The following NFATC1 variants were observed in gnomAD, a reference collection of about 807,000 sequenced individuals.
NFATC1 encodes the protein nuclear factor of activated T-cells, cytoplasmic 1.
Under a neutral mutation model 76.0 loss-of-function variants are expected in NFATC1, and 22 were observed. That is an observed-to-expected ratio of 0.29 (90% CI 0.21 to 0.41). NFATC1 has a LOEUF of 0.41. NFATC1 is among the 10% of genes least tolerant of loss of function. NFATC1 has a pLI of 1.00. For synonymous variants in NFATC1, 704 were observed against 613.1 expected (o/e 1.15, Z -2.19); for missense variants, 1,357 against 1,337.7 (o/e 1.01, Z -0.23).
At position 79,486,581 on chromosome 18, in the gene NFATC1, C is replaced by G; in HGVS notation, c.2426C>G (p.Thr809Arg). Residue 809 changes from threonine to arginine, a missense_variant, in exon 9 of 10, where the codon ACG becomes AGG. Physicochemically the swap from Thr to Arg is moderately conservative, Grantham distance 71 (BLOSUM62 -1). This residue lies in a region of NFATC1 where 424 missense variants were observed against 395.4 expected (regional missense o/e 1.07). Transcript: ENST00000427363. Reference protein sequence around the residue: ...AVQDVPRPVATHPGSPGQPPP... With the variant: ...AVQDVPRPVARHPGSPGQPPP... ...CAGGACGTGCCCAGGCCAGTGGCCA[C>G]GCACCCCGGCTCGCCCGGGCAGCCA... 6.3e-7 allele frequency: 1 copy of G among 1,590,178 alleles called. No individual in the cohort carries two copies. Among genetic ancestry groups the G allele is most frequent in the Non-Finnish European group, 8.5e-7 (1 of 1,172,972 alleles).
At chr18:79,437,287 C>CTT (rs2086813393) in intron 3 of NFATC1, among the ~76,000 whole-genome samples, 1 of 152,234 alleles carries the variant, frequency 6.6e-6, no homozygotes. Context: ...AAGATGAAGA[C>CTT]GCCTGCTTAG....
At chr18:79,441,668 G>A (rs551283112) in intron 3 of NFATC1, among the ~76,000 whole-genome samples, 5 of 152,244 alleles carry the variant, frequency 3.3e-5, no homozygotes, top group African/African-American at 7.2e-5. Flanking sequence ...CGCTCCTGCC[G>A]CTTGGTGTCA....
In NFATC1 at chr18:79,486,633, G is replaced by T; in HGVS notation, c.2478G>T (p.Val826=). 6.2e-7 allele frequency: 1 copy of T among 1,602,096 alleles called. No homozygotes were observed. Among genetic ancestry groups the T allele is most frequent in the Non-Finnish European group, 8.5e-7 (1 of 1,177,606 alleles). Residue 826 remains valine, a synonymous_variant, in exon 9 of 10, where the codon GTG becomes GTT. Transcript: ENST00000427363. ...QPPPALLPQQ[V]SAPPSSSCPP... is the part of the protein sequence containing the mutation. ...CCCCGGCCCTGCTGCCACAGCAGGT[G>T]AGTGCGCCTCCAAGCAGTAGCTGCC...
At chr18:79,399,966 C>CT (rs1223164220) in intron 1 of NFATC1, among the ~76,000 whole-genome samples, 1 of 140,936 alleles carries the variant, frequency 7.1e-6, no homozygotes, top group Non-Finnish European at 1.5e-5. Flanking sequence ...TTGAAAACTT[C>CT]TTTAAAAAAA....
chr18:79,486,080 C>T (rs561909566), intron 8 of NFATC1, among the ~76,000 whole-genome samples, 168 bp from the exon 9 acceptor site: 43 of 150,650 alleles, frequency 2.9e-4, no homozygotes, highest in South Asian at 8.3e-4. Context: ...ACTCTCTCGG[C>T]CGATGACTCA....
chr18:79,411,858 C>T (rs1054388376), intron 2 of NFATC1, among the ~76,000 whole-genome samples: 7 of 152,228 alleles, frequency 4.6e-5, no homozygotes, highest in Non-Finnish European at 8.8e-5. Flanking sequence ...GTGGGAATTC[C>T]GGGAGACGCC....
intron 2 of NFATC1, among the ~76,000 whole-genome samples, chr18:79,428,643 T>C (rs548628635): frequency 1.3e-5 from 2 of 152,306 alleles, no homozygotes; most frequent in East Asian, 3.9e-4. Flanking sequence ...TGTGATTAGA[T>C]TGTTTCTGAA....
At position 79,467,579 on chromosome 18, in the gene NFATC1, A is replaced by T; in HGVS notation, c.2089A>T (p.Asn697Tyr). ...QYQRFTYLPA[N>Y]VPIIKTEPTD... ...CCAGCGTTTCACCTACCTTCCCGCC[A>T]ACGGTAACGCCATCTTTCTAACCGT... Residue 697 changes from asparagine (N) to tyrosine (Y), a missense_variant, in exon 8 of 10, where the codon AAC becomes TAC. By Grantham distance (143) the Asn-to-Tyr change is moderately radical. This residue lies in a region of NFATC1 where 424 missense variants were observed against 395.4 expected (regional missense o/e 1.07). Coordinates refer to ENST00000427363, the MANE Select transcript of NFATC1 (RefSeq NM_001278669.2). 2 of 1,613,870 alleles carry T rather than the reference A, an allele frequency of 1.2e-6. No homozygotes were observed. The highest frequency in any genetic ancestry group is 1.6e-4 in the Middle Eastern group (1 of 6,062).
intron 2 of NFATC1, among the ~76,000 whole-genome samples, chr18:79,425,365 G>C (rs541882633): frequency 6.6e-6 from 1 of 151,514 alleles, no homozygotes; most frequent in Admixed American, 6.6e-5. Flanking sequence ...CGCGGCTGCC[G>C]GCTGAGGAGG....
Position 79,464,655 on chromosome 18 carries a change from T to A in NFATC1, c.1960-2795T>A, listed in dbSNP as rs193157556. 1.0e-4 allele frequency among the ~76,000 whole-genome samples: 13 copies of A among 124,606 alleles called. 1 individual carries two copies. The highest frequency in any genetic ancestry group is 4.6e-4 in the African/African-American group (13 of 28,262). 81.7% of individuals were successfully genotyped at this position (124,606 alleles called of 152,430 possible). A position where few individuals can be genotyped will look rare whatever the true frequency, so the allele number is the denominator to read the frequency against. On this transcript the variant is annotated intron_variant, in intron 7 of 9. Coordinates refer to ENST00000427363, the MANE Select transcript of NFATC1 (RefSeq NM_001278669.2). ...TATTGTGGATATATGTGTTTGTGTG[T>A]GTGTGTGTGTGTGTGTATATGTATG...
At chr18:79,507,083 G>A (rs1466579458) in intron 9 of NFATC1, among the ~76,000 whole-genome samples, 2 of 152,220 alleles carry the variant, frequency 1.3e-5, no homozygotes, top group Admixed American at 6.5e-5. Context: ...GTTCCGAAAC[G>A]GAGCTGATGG....
chr18:79,482,827 G>A lies in NFATC1; in HGVS notation c.2093-3421G>A, dbSNP rs375583628. Among the ~76,000 whole-genome samples the A allele has an allele frequency of 2.0e-4, 27 of 137,570 alleles. No homozygotes were observed. The East Asian group carries it at 3.0e-3, about 15-fold the overall frequency. 90.3% of individuals were successfully genotyped at this position (137,570 alleles called of 152,430 possible). A position where few individuals can be genotyped will look rare whatever the true frequency, so the allele number is the denominator to read the frequency against. ...CACTTCAGCGTGACCTGGTCCGGGG[G>A]TGTAATTCCAGCGTGACCTGGTCCT... On this transcript the variant is annotated intron_variant, in intron 8 of 9. Transcript: ENST00000427363.
intron 2 of NFATC1, among the ~76,000 whole-genome samples, chr18:79,428,936 G>A (rs1266985036): frequency 1.3e-5 from 2 of 152,054 alleles, no homozygotes; most frequent in African/African-American, 4.8e-5. Flanking sequence ...AATACACCCA[G>A]TGGGCTGGGC....
intron 6 of NFATC1, among the ~76,000 whole-genome samples, chr18:79,452,959 T>G (rs2087537358): frequency 6.6e-6 from 1 of 152,210 alleles, no homozygotes. Context: ...GCCGGAAACT[T>G]AAGTGCTTCA....
At chr18:79,458,345 G>A (rs1207683394) in intron 6 of NFATC1, among the ~76,000 whole-genome samples, 2 of 152,158 alleles carry the variant, frequency 1.3e-5, no homozygotes, top group Non-Finnish European at 2.9e-5. Context: ...GAGCAGGGCA[G>A]GAGACGCCGT....
Position 79,486,431 on chromosome 18 carries a change from C to T in NFATC1, c.2276C>T (p.Pro759Leu). ...PPCPQRSTLMPAAPGVSPKLH... is the reference protein window; with the variant it reads ...PPCPQRSTLMLAAPGVSPKLH... ...TGTCCGCAGAGAAGCACCCTGATGC[C>T]AGCGGCCCCTGGCGTGAGCCCCAAG... Residue 759 changes from proline (P) to leucine (L), a missense_variant, in exon 9 of 10, where the codon CCA (proline) becomes CTA (leucine). This residue lies in a region of NFATC1 where 424 missense variants were observed against 395.4 expected (regional missense o/e 1.07). Transcript: ENST00000427363. The T allele has an allele frequency of 6.2e-7, 1 of 1,612,428 alleles. No homozygotes were observed. Among genetic ancestry groups the T allele is most frequent in the Non-Finnish European group, 8.5e-7 (1 of 1,179,874 alleles).
chr18:79,474,179 CG>C (rs2088926851), intron 8 of NFATC1, among the ~76,000 whole-genome samples: 1 of 108,922 alleles, frequency 9.2e-6, no homozygotes, highest in East Asian at 3.2e-4. Context: ...CGCTCGCTGT[CG>C]ACGTAAACCT....
intron 9 of NFATC1, among the ~76,000 whole-genome samples, chr18:79,520,165 C>T (rs113856258): frequency 0.022 from 3,222 of 146,076 alleles, 94 homozygotes; most frequent in African/African-American, 0.07. Flanking sequence ...CAGGCGACAG[C>T]CTTCTCGAAG....
At chr18:79,507,069 CTT>C (rs1156928937) in intron 9 of NFATC1, among the ~76,000 whole-genome samples, 1 of 152,224 alleles carries the variant, frequency 6.6e-6, no homozygotes, top group Non-Finnish European at 1.5e-5. Context: ...GCTGGGCTCT[CTT>C]TGTTCCGAAA....
Sources: allele counts gnomAD v4.1 joint callset (sites outside exome capture counted in the v4.1 genomes callset), GRCh38; gene constraint gnomAD v4.1.1; regional missense constraint gnomAD v4.1.1; transcripts MANE v1.5; gene names NCBI Gene and HGNC (gene_info 2026-07-23, HGNC 2026-07-21).